Variants in CDH12 observed in about 807,000 individuals in gnomAD.
CDH12 encodes cadherin 12.
Under a neutral mutation model 74.1 loss-of-function variants are expected in CDH12, and 41 were observed. The ratio of observed to expected loss-of-function variants is 0.55; its 90% CI spans 0.43 to 0.72. The LOEUF (loss-of-function observed/expected upper bound fraction) is 0.72, where lower values mean the gene tolerates loss of function less well. Ranked by LOEUF, CDH12 falls within the 30% of genes least tolerant of loss-of-function variation. CDH12 has a pLI of 0.00. For synonymous variants in CDH12, 399 were observed against 355.0 expected, an observed-to-expected ratio of 1.12 and a Z score of -1.39; for missense variants, 945 against 977.2, an observed-to-expected ratio of 0.97 and a Z score of 0.44.
intron 1 of CDH12, among the ~76,000 whole-genome samples, chr5:22,852,681 C>G (rs1286658246): frequency 6.6e-6 from 1 of 152,116 alleles, no homozygotes; most frequent in Admixed American, 6.6e-5. Flanking sequence ...ATAAAGCATT[C>G]ATTATTTTGT....
chr5:22,460,803 C>T lies in CDH12; in HGVS notation c.-428+44467G>A, dbSNP rs945725639. On this transcript the variant is annotated intron_variant, in intron 2 of 14. Transcript: ENST00000382254. Reference sequence around the variant, plus strand: ...TGGCACGATCTCGGCTCACTGCAACCTCTGCCTCCCAGTTTCAAGTGATTC... The same window carrying T: ...TGGCACGATCTCGGCTCACTGCAACTTCTGCCTCCCAGTTTCAAGTGATTC... 2.8e-5 allele frequency among the ~76,000 whole-genome samples: 4 copies of T among 145,172 alleles called. No individual in the cohort carries two copies. The Admixed American group carries it at 3.0e-4, about 11-fold the overall frequency.
At chr5:22,483,492 T>C (rs1161736182) in intron 2 of CDH12, among the ~76,000 whole-genome samples, 1 of 151,372 alleles carries the variant, frequency 6.6e-6, no homozygotes, top group Non-Finnish European at 1.5e-5. Context: ...AAGTAAAGCC[T>C]TTTAAGTGAT....
At chr5:22,539,781 T>C (rs955783022) in intron 1 of CDH12, among the ~76,000 whole-genome samples, 15 of 152,184 alleles carry the variant, frequency 9.9e-5, no homozygotes, top group Non-Finnish European at 1.5e-4. Flanking sequence ...ATGCCCTGCT[T>C]TCCACAGCTT....
rs138722544 is a variant in CDH12 at position 22,103,311 on chromosome 5, G to A, written c.-186-24449C>T. ...TAGGAGTTGTGATGCTCTTATGATA[G>A]GTGAAAAATAGGTTAACATTGAACT... On this transcript the variant is annotated intron_variant, in intron 4 of 14. Coordinates refer to ENST00000382254, the MANE Select transcript of CDH12 (RefSeq NM_004061.5). Among the ~76,000 whole-genome samples the A allele has an allele frequency of 2.9e-3, 398 of 137,998 alleles. 6 individuals carry two copies. The highest frequency in any genetic ancestry group is 0.01 in the African/African-American group (376 of 36,740). The allele number at this position is 137,998 out of a possible 152,430, so 90.5% of individuals were successfully genotyped here. A position where few individuals can be genotyped will look rare whatever the true frequency, so the allele number is the denominator to read the frequency against.
At chr5:22,747,075 G>C (rs1745328750) in intron 1 of CDH12, among the ~76,000 whole-genome samples, 1 of 152,068 alleles carries the variant, frequency 6.6e-6, no homozygotes, top group Non-Finnish European at 1.5e-5. Context: ...CATTTCCTCA[G>C]TGCTTCTAGA....
At chr5:22,576,502 A>G (rs932387495) in intron 1 of CDH12, among the ~76,000 whole-genome samples, 4 of 152,198 alleles carry the variant, frequency 2.6e-5, no homozygotes, top group African/African-American at 9.7e-5. Context: ...ATATGGAGAA[A>G]TAGACAAGTT....
intron 1 of CDH12, among the ~76,000 whole-genome samples, chr5:22,555,462 G>A (rs911012009): frequency 1.3e-5 from 2 of 152,054 alleles, no homozygotes; most frequent in Non-Finnish European, 1.5e-5. Context: ...CTTAAAATGA[G>A]TGTGTGGGAA....
intron 1 of CDH12, among the ~76,000 whole-genome samples, chr5:22,726,353 C>A (rs764922258): frequency 6.6e-6 from 1 of 151,670 alleles, no homozygotes; most frequent in Non-Finnish European, 1.5e-5. Context: ...AGTTTCCTCC[C>A]TGTCTTTTTG....
intron 5 of CDH12, among the ~76,000 whole-genome samples, chr5:22,053,951 T>C (rs1740565972): frequency 6.6e-6 from 1 of 152,152 alleles, no homozygotes; most frequent in African/African-American, 2.4e-5. Flanking sequence ...TTATCTTTGA[T>C]TATTTCCTGG....
intron 4 of CDH12, among the ~76,000 whole-genome samples, chr5:22,171,527 G>C (rs1734076407): frequency 6.6e-6 from 1 of 151,864 alleles, no homozygotes; most frequent in Non-Finnish European, 1.5e-5. Flanking sequence ...CCTTCTATAT[G>C]GTTTGTTAGT....
At chr5:22,441,379 A>AT (rs368203229) in intron 2 of CDH12, among the ~76,000 whole-genome samples, 19 of 149,894 alleles carry the variant, frequency 1.3e-4, no homozygotes, top group African/African-American at 2.2e-4. Flanking sequence ...CATTGAAGAT[A>AT]TTTTTTTTTT....
intron 1 of CDH12, among the ~76,000 whole-genome samples, chr5:22,654,940 G>A (rs775229858): frequency 2.6e-5 from 4 of 152,036 alleles, no homozygotes; most frequent in Non-Finnish European, 5.9e-5. Context: ...CTCTTTCTAA[G>A]CTTTTATTTC....
chr5:22,653,023 G>C (rs1739820899), intron 1 of CDH12, among the ~76,000 whole-genome samples: 1 of 152,106 alleles, frequency 6.6e-6, no homozygotes, highest in Non-Finnish European at 1.5e-5. Flanking sequence ...CTCACTTTCT[G>C]TAAGCCCATA....
At chr5:22,484,334 T>A (rs1746501566) in intron 2 of CDH12, among the ~76,000 whole-genome samples, 1 of 152,178 alleles carries the variant, frequency 6.6e-6, no homozygotes, top group African/African-American at 2.4e-5. Flanking sequence ...TGAGGTTTGC[T>A]TGGAAGACAA....
chr5:22,394,203 T>C (rs1016007608), intron 3 of CDH12, among the ~76,000 whole-genome samples: 3 of 152,076 alleles, frequency 2.0e-5, no homozygotes, highest in African/African-American at 7.2e-5. Flanking sequence ...TTAAATCTCA[T>C]TATAATCTGA....
At chr5:22,635,193 A>G (rs996013608) in intron 1 of CDH12, among the ~76,000 whole-genome samples, 1 of 152,152 alleles carries the variant, frequency 6.6e-6, no homozygotes, top group Non-Finnish European at 1.5e-5. Context: ...ATAAGCCCAT[A>G]CTTTTATGTT....
chr5:22,801,191 A>G lies in CDH12; in HGVS notation c.-523+51867T>C, dbSNP rs151094487. Among the ~76,000 whole-genome samples the G allele has an allele frequency of 3.3e-5, 5 of 152,324 alleles. No individual in the cohort carries two copies. In the East Asian group the frequency reaches 7.7e-4, roughly 24 times the overall value. ...AAGATTAGTTCCTGAGTCTTCATAC[A>G]TTAGCCAGAATTTGGTGGAGCCAGT... On this transcript the variant is annotated intron_variant, in intron 1 of 14. Transcript: ENST00000382254.
chr5:21,827,642 T>C (rs1487933599), intron 8 of CDH12, among the ~76,000 whole-genome samples: 1 of 152,200 alleles, frequency 6.6e-6, no homozygotes, highest in African/African-American at 2.4e-5. Flanking sequence ...CATTGTAACA[T>C]TATTTTTTAA....
chr5:22,570,236 A>T (rs945601014), intron 1 of CDH12, among the ~76,000 whole-genome samples: 3 of 151,470 alleles, frequency 2.0e-5, no homozygotes, highest in Non-Finnish European at 4.4e-5. Flanking sequence ...TTGTATTTTT[A>T]CTAGGTTTCA....
Sources: gnomAD v4.1 joint callset for allele counts (sites outside exome capture counted in the v4.1 genomes callset) on GRCh38, gnomAD v4.1.1 for gene constraint, MANE v1.5 for transcripts, NCBI Gene and HGNC (gene_info 2026-07-23, HGNC 2026-07-21) for gene names.